Variants in TMEM215 observed in about 807,000 individuals in gnomAD.
TMEM215 encodes transmembrane protein 215.
A neutral mutation model predicts 14.7 loss-of-function variants in TMEM215; 12 were observed. The ratio of observed to expected loss-of-function variants is 0.82; its 90% CI spans 0.52 to 1.33. The LOEUF (loss-of-function observed/expected upper bound fraction) is 1.33. Ranked by LOEUF, TMEM215 falls within the 40% of genes most tolerant of loss-of-function variation. The probability of loss-of-function intolerance (pLI) is 0.00; values close to 1 mark genes in which losing one functional copy is unlikely to be tolerated. For missense variants in TMEM215, 276 were observed against 296.2 expected, an observed-to-expected ratio of 0.93 and a Z score of 0.50; for synonymous variants, 122 against 124.8, an observed-to-expected ratio of 0.98 and a Z score of 0.15.
chr9:32,786,257 G>T lies in TMEM215; in HGVS notation c.*1366G>T. On this transcript the variant is annotated 3_prime_UTR_variant, in exon 2 of 2. Transcript: ENST00000342743. ...ATCCTTCAAAGAATGATCATTTTAA[G>T]TGATCATATAGTCTTAGTCACTTTC... is the stretch of plus-strand genomic sequence containing the variant. The T allele has an allele frequency of 6.0e-6, 1 of 167,092 alleles. No homozygotes were observed. The allele number at this position is 167,092 out of a possible 1,614,324, so 10.4% of individuals were successfully genotyped here. A position where few individuals can be genotyped will look rare whatever the true frequency, so the allele number is the denominator to read the frequency against.
rs890559461 is a variant in TMEM215, at chr9:32,786,711, A to G, written c.*1820A>G. ...ATGTGACATACATTGCACAGCTACT[A>G]CTCAAAAAAGAATTTTGTAGATGTA... On this transcript the variant is annotated 3_prime_UTR_variant, in exon 2 of 2. Transcript: ENST00000342743. 1.0e-4 allele frequency: 17 copies of G among 166,952 alleles called. No homozygotes were observed. The highest frequency in any genetic ancestry group is 2.9e-5 in the Non-Finnish European group (2 of 68,048). The allele number at this position is 166,952 out of a possible 1,614,324, so 10.3% of individuals were successfully genotyped here.
At position 32,785,447 on chromosome 9, in the gene TMEM215, A is replaced by G; in HGVS notation, c.*556A>G. 1 of 167,760 alleles carries G rather than the reference A, an allele frequency of 6.0e-6. No individual in the cohort carries two copies. 10.4% of individuals were successfully genotyped at this position (167,760 alleles called of 1,614,324 possible). A position where few individuals can be genotyped will look rare whatever the true frequency, so the allele number is the denominator to read the frequency against. The stretch of plus-strand genomic sequence containing the variant: ...ATGGGATGGTTTTTGGGAAAAGGGT[A>G]GTTAAAGAGAGTTGGATTATGTAAC... On this transcript the variant is annotated 3_prime_UTR_variant, in exon 2 of 2. Coordinates refer to ENST00000342743, the MANE Select transcript of TMEM215 (RefSeq NM_212558.3).
rs140964705 is a variant in TMEM215 at position 32,784,825 on chromosome 9, G to C, written c.642G>C (p.Pro214=). Residue 214 remains proline (P), a synonymous_variant, in exon 2 of 2, where the codon CCG becomes CCC. Transcript: ENST00000342743. ...TTTGCTCCTACAAGCAGAACAGCCC[G>C]TATGACAGATACTGTTGTTATATCA... ...IIVCSYKQNS[P]YDRYCCYINQ... is the part of the protein sequence containing the mutation. 7 of 1,613,284 alleles carry C rather than the reference G, an allele frequency of 4.3e-6. No individual in the cohort carries two copies. The highest frequency in any genetic ancestry group is 1.3e-5 in the African/African-American group (1 of 74,896).
chr9:32,787,248 A>T lies in TMEM215; in HGVS notation c.*2357A>T, dbSNP rs1433570692. ...TTGAGGGTCAACTACTAGTTTAGAG[A>T]TATAAGGTATTTTATCTTGTTTTCA... On this transcript the variant is annotated 3_prime_UTR_variant, in exon 2 of 2. Transcript: ENST00000342743. 1 of 166,886 alleles carries T rather than the reference A, an allele frequency of 6.0e-6. No homozygotes were observed. The highest frequency in any genetic ancestry group is 1.9e-4 in the East Asian group (1 of 5,204). 10.3% of individuals were successfully genotyped at this position (166,886 alleles called of 1,614,324 possible).
intron 1 of TMEM215, 134 bp downstream of exon 1, chr9:32,783,939 CAG>C: frequency 4.0e-6 from 2 of 500,656 alleles, no homozygotes; most frequent in Non-Finnish European, 7.0e-6. Flanking sequence ...GAAATAGAAA[CAG>C]GGAGAGATTG....
rs1466716273 is a variant in TMEM215, at chr9:32,783,814, T to C, written c.-59+9T>C. The C allele has an allele frequency of 5.2e-6, 1 of 193,952 alleles. No homozygotes were observed. Among genetic ancestry groups the C allele is most frequent in the Non-Finnish European group, 1.0e-5 (1 of 95,372 alleles). 12.0% of individuals were successfully genotyped at this position (193,952 alleles called of 1,614,324 possible). ...AGGGCAGGAAACCTCAGGTACCTCG[T>C]TGACCCCAGCCGGAGCGTGTTGATA... On this transcript the variant is annotated intron_variant, in intron 1 of 1. Transcript: ENST00000342743.
chr9:32,784,472 A>T lies in TMEM215; in HGVS notation c.289A>T (p.Thr97Ser). 1 of 1,613,832 alleles carries T rather than the reference A, an allele frequency of 6.2e-7. No homozygotes were observed. Among genetic ancestry groups the T allele is most frequent in the Non-Finnish European group, 8.5e-7 (1 of 1,179,974 alleles). Reference protein sequence around the residue: ...KDKEVVELLRTPSDLESGKGS... With the variant: ...KDKEVVELLRSPSDLESGKGS... ...CAAGGAGGTGGTAGAGCTGCTGAGG[A>T]CCCCTTCAGACCTAGAATCCGGCAA... The change falls in exon 2 of 2, where the codon ACC becomes TCC. Residue 97 changes from threonine (T) to serine (S), a missense_variant. Coordinates refer to ENST00000342743, the MANE Select transcript of TMEM215 (RefSeq NM_212558.3).
rs186408755 is a variant in TMEM215, at chr9:32,787,769, A to C, written c.*2878A>C. Reference sequence around the variant, plus strand: ...CTTCAAGAGCTCCTAGACAGATATAAATTTAAGTAGACATTACTTTATTTT... The same window carrying C: ...CTTCAAGAGCTCCTAGACAGATATACATTTAAGTAGACATTACTTTATTTT... On this transcript the variant is annotated 3_prime_UTR_variant, in exon 2 of 2. Coordinates refer to ENST00000342743, the MANE Select transcript of TMEM215 (RefSeq NM_212558.3). Among the ~76,000 whole-genome samples, 2 of 152,098 alleles carry C rather than the reference A, an allele frequency of 1.3e-5. No homozygotes were observed. The highest frequency in any genetic ancestry group is 4.8e-5 in the African/African-American group (2 of 41,442).
chr9:32,784,523 A>G lies in TMEM215; in HGVS notation c.340A>G (p.Lys114Glu). Reference sequence around the variant, plus strand: ...GGGGAGCTCAGATGAGCTGGCTAAGAAGGCGGGCCTCAGGGGGAAGCCTCC... The same window carrying G: ...GGGGAGCTCAGATGAGCTGGCTAAGGAGGCGGGCCTCAGGGGGAAGCCTCC... ...GKGSSDELAKKAGLRGKPPPQ... is the reference protein window; with the variant it reads ...GKGSSDELAKEAGLRGKPPPQ... The change falls in exon 2 of 2, where the codon AAG becomes GAG. Residue 114 changes from lysine (K) to glutamate (E), a missense_variant. Physicochemically the swap from Lys to Glu is moderately conservative, Grantham distance 56. Transcript: ENST00000342743. 2 of 1,613,982 alleles carry G rather than the reference A, an allele frequency of 1.2e-6. No individual in the cohort carries two copies. Among genetic ancestry groups the G allele is most frequent in the Non-Finnish European group, 1.7e-6 (2 of 1,180,024 alleles).
chr9:32,784,797 T>C lies in TMEM215; in HGVS notation c.614T>C (p.Ile205Thr), dbSNP rs1003361257. The C allele has an allele frequency of 6.2e-6, 10 of 1,613,576 alleles. No homozygotes were observed. Among genetic ancestry groups the C allele is most frequent in the African/African-American group, 1.3e-5 (1 of 74,894 alleles). Residue 205 changes from isoleucine (I) to threonine (T), a missense_variant, in exon 2 of 2, where the codon ATC becomes ACC. Physicochemically the swap from Ile to Thr is moderately conservative, Grantham distance 89. Coordinates refer to ENST00000342743, the MANE Select transcript of TMEM215 (RefSeq NM_212558.3). ...SIFFVPQDSI[I>T]VCSYKQNSPY... ...TTCTTTGTGCCCCAGGACAGTATCA[T>C]CGTTTGCTCCTACAAGCAGAACAGC...
In TMEM215 at chr9:32,788,243, C is replaced by T. The variant is rs1824529118; in HGVS notation, c.*3352C>T. 6.6e-6 allele frequency among the ~76,000 whole-genome samples: 1 copy of T among 152,126 alleles called. No homozygotes were observed. Among genetic ancestry groups the T allele is most frequent in the Non-Finnish European group, 1.5e-5 (1 of 68,000 alleles). ...CATAACATCATTTATTTGGTGAATT[C>T]ACTGTTATTAATACTAGTATTTTAT... On this transcript the variant is annotated 3_prime_UTR_variant, in exon 2 of 2. Transcript: ENST00000342743.
At position 32,785,052 on chromosome 9, in the gene TMEM215, T is replaced by C; in HGVS notation, c.*161T>C. The C allele has an allele frequency of 1.6e-6, 1 of 641,916 alleles. No individual in the cohort carries two copies. 39.8% of individuals were successfully genotyped at this position (641,916 alleles called of 1,614,324 possible). ...TACCCGAGAGTCATGTAAATAGGCA[T>C]GTTGGGGACACATTTTAGGGAAGGG... On this transcript the variant is annotated 3_prime_UTR_variant, in exon 2 of 2. Transcript: ENST00000342743.
In TMEM215 at chr9:32,786,563, A is replaced by G. The variant is rs947062925; in HGVS notation, c.*1672A>G. Reference sequence around the variant, plus strand: ...GGGAGGGGGAACTGATTTACACTTGATTATTTCTATCATTCATTTTCAGTG... The same window carrying G: ...GGGAGGGGGAACTGATTTACACTTGGTTATTTCTATCATTCATTTTCAGTG... On this transcript the variant is annotated 3_prime_UTR_variant, in exon 2 of 2. Coordinates refer to ENST00000342743, the MANE Select transcript of TMEM215 (RefSeq NM_212558.3). 2.4e-5 allele frequency: 4 copies of G among 166,926 alleles called. No individual in the cohort carries two copies. The highest frequency in any genetic ancestry group is 4.4e-5 in the Non-Finnish European group (3 of 68,020). The allele number at this position is 166,926 out of a possible 1,614,324, so 10.3% of individuals were successfully genotyped here.
chr9:32,788,383 C>T lies in TMEM215; in HGVS notation c.*3492C>T, dbSNP rs1824530521. Among the ~76,000 whole-genome samples, 2 of 152,200 alleles carry T rather than the reference C, an allele frequency of 1.3e-5. No individual in the cohort carries two copies. The highest frequency in any genetic ancestry group is 4.8e-5 in the African/African-American group (2 of 41,436). On this transcript the variant is annotated 3_prime_UTR_variant, in exon 2 of 2. Coordinates refer to ENST00000342743, the MANE Select transcript of TMEM215 (RefSeq NM_212558.3). Reference sequence around the variant, plus strand: ...TTCCTCCACATGCAAATGCAGCATACATATTATAATAGTGTGTTTTTCTTT... The same window carrying T: ...TTCCTCCACATGCAAATGCAGCATATATATTATAATAGTGTGTTTTTCTTT...
At position 32,784,272 on chromosome 9, in the gene TMEM215, C is replaced by T; in HGVS notation, c.89C>T (p.Ser30Phe). 6.2e-7 allele frequency: 1 copy of T among 1,614,154 alleles called. No individual in the cohort carries two copies. Among genetic ancestry groups the T allele is most frequent in the East Asian group, 2.2e-5 (1 of 44,874 alleles). The change falls in exon 2 of 2, where the codon TCT becomes TTT. Residue 30 changes from serine to phenylalanine, a missense_variant. Coordinates refer to ENST00000342743, the MANE Select transcript of TMEM215 (RefSeq NM_212558.3). ...GTCTTTGGTTTCATGTTCACCGTCT[C>T]TGGGATGAAAGGGGAGACTTTGGGA... is the stretch of plus-strand genomic sequence containing the variant. ...FLVFGFMFTV[S>F]GMKGETLGNI...
In TMEM215 at chr9:32,785,331, T is replaced by G. The variant is rs1271761941; in HGVS notation, c.*440T>G. ...AAAATAAAATTAATGATCCGTTATA[T>G]AAAGTAATTTTTGCCTGGTTAAAAG... On this transcript the variant is annotated 3_prime_UTR_variant, in exon 2 of 2. Coordinates refer to ENST00000342743, the MANE Select transcript of TMEM215 (RefSeq NM_212558.3). 5.8e-6 allele frequency: 1 copy of G among 171,468 alleles called. No homozygotes were observed. The highest frequency in any genetic ancestry group is 1.4e-5 in the Non-Finnish European group (1 of 70,940). 10.6% of individuals were successfully genotyped at this position (171,468 alleles called of 1,614,324 possible).
rs1231413452 is a variant in TMEM215, at chr9:32,788,250, A to G, written c.*3359A>G. 1.3e-5 allele frequency among the ~76,000 whole-genome samples: 2 copies of G among 152,138 alleles called. No homozygotes were observed. The highest frequency in any genetic ancestry group is 2.9e-5 in the Non-Finnish European group (2 of 67,998). The stretch of plus-strand genomic sequence containing the variant: ...TCATTTATTTGGTGAATTCACTGTT[A>G]TTAATACTAGTATTTTATCACAGTA... On this transcript the variant is annotated 3_prime_UTR_variant, in exon 2 of 2. Transcript: ENST00000342743.
chr9:32,783,985 G>T, intron 1 of TMEM215, 141 bp from the exon 2 acceptor site: 1 of 593,600 alleles, frequency 1.7e-6, no homozygotes, highest in Non-Finnish European at 3.0e-6. Context: ...TAGAGAGATT[G>T]CAAGAGAGAT....
chr9:32,784,866 G>A lies in TMEM215; in HGVS notation c.683G>A (p.Arg228Lys). The change falls in exon 2 of 2, where the codon AGG becomes AAG. Residue 228 changes from arginine (R) to lysine (K), a missense_variant. Physicochemically the swap from Arg to Lys is conservative, Grantham distance 26. Transcript: ENST00000342743. ...TGTTATATCAATCAGATACAAGGCA[G>A]GTGGGACCACGAGACCATCGTCTAA... ...YCCYINQIQG[R>K]WDHETIV 2 of 1,612,754 alleles carry A rather than the reference G, an allele frequency of 1.2e-6. No homozygotes were observed. Among genetic ancestry groups the A allele is most frequent in the Non-Finnish European group, 1.7e-6 (2 of 1,179,822 alleles).
Sources: allele counts gnomAD v4.1 joint callset (sites outside exome capture counted in the v4.1 genomes callset), GRCh38; gene constraint gnomAD v4.1.1; transcripts MANE v1.5; gene names NCBI Gene and HGNC (gene_info 2026-07-23, HGNC 2026-07-21).